Variants in PRKCZ observed in about 807,000 individuals in gnomAD.
The protein encoded by PRKCZ is protein kinase C zeta type.
In PRKCZ, 33 loss-of-function variants were observed where a neutral mutation model predicts 79.5. That is an observed-to-expected ratio of 0.41 (90% CI 0.31 to 0.55). PRKCZ has a LOEUF of 0.55. PRKCZ is among the 20% of genes least tolerant of loss of function. PRKCZ has a pLI of 0.19. For missense variants in PRKCZ, 578 were observed against 813.5 expected, an observed-to-expected ratio of 0.71 and a Z score of 3.52; for synonymous variants, 342 against 320.9, an observed-to-expected ratio of 1.07 and a Z score of -0.70.
intron 9 of PRKCZ, among the ~76,000 whole-genome samples, chr1:2,154,239 G>C (rs1216080715): frequency 2.0e-5 from 3 of 152,246 alleles, no homozygotes; most frequent in East Asian, 3.9e-4. Flanking sequence ...CTTGTGGCCT[G>C]GGGTGGCGTG....
chr1:2,102,886 T>C (rs1445157105), intron 4 of PRKCZ, among the ~76,000 whole-genome samples: 1 of 151,478 alleles, frequency 6.6e-6, no homozygotes, highest in Non-Finnish European at 1.5e-5. Flanking sequence ...CCCCCGTCTG[T>C]CTCTCTCTCA....
At position 2,161,996 on chromosome 1, in the gene PRKCZ, C is replaced by T. The variant is rs892634438; in HGVS notation, c.974+5904C>T. Among the ~76,000 whole-genome samples the T allele has an allele frequency of 4.6e-5, 7 of 152,094 alleles. No individual in the cohort carries two copies. The South Asian group carries it at 6.2e-4, about 14-fold the overall frequency. On this transcript the variant is annotated intron_variant, in intron 10 of 17. Transcript: ENST00000378567. ...TAACGTGCAGGAAAGAACCTTCGTC[C>T]GCACTCCAAAGACCCTTGACTAACC...
At chr1:2,118,617 G>A (rs540816457) in intron 4 of PRKCZ, among the ~76,000 whole-genome samples, 4 of 152,200 alleles carry the variant, frequency 2.6e-5, no homozygotes, top group South Asian at 4.1e-4. Context: ...GATTACAGGC[G>A]TGAGCCACTG....
chr1:2,163,337 A>C (rs1334251842), intron 10 of PRKCZ, among the ~76,000 whole-genome samples: 2 of 152,206 alleles, frequency 1.3e-5, no homozygotes, highest in Non-Finnish European at 2.9e-5. Flanking sequence ...GAGCCCACAG[A>C]GGAGCTGTCC....
chr1:2,070,537 T>C (rs893258989), intron 4 of PRKCZ, among the ~76,000 whole-genome samples: 1 of 152,182 alleles, frequency 6.6e-6, no homozygotes, highest in African/African-American at 2.4e-5. Flanking sequence ...GAGGTTTTCA[T>C]GGCCAGGGAT....
chr1:2,051,169 C>T (rs1659608317), intron 1 of PRKCZ, among the ~76,000 whole-genome samples: 1 of 152,006 alleles, frequency 6.6e-6, no homozygotes, highest in Non-Finnish European at 1.5e-5. Flanking sequence ...CAATGCAGCC[C>T]CCGGCAGGGC....
chr1:2,102,378 G>C (rs1442691254), intron 4 of PRKCZ, among the ~76,000 whole-genome samples: 1 of 151,846 alleles, frequency 6.6e-6, no homozygotes, highest in Non-Finnish European at 1.5e-5. Context: ...TGCTGCCCAG[G>C]CTGGAGTGCA....
chr1:2,166,497 C>G (rs896362726), intron 10 of PRKCZ, among the ~76,000 whole-genome samples: 1 of 152,210 alleles, frequency 6.6e-6, no homozygotes, highest in African/African-American at 2.4e-5. Flanking sequence ...CTCCTCTCCC[C>G]TTGCAAACAT....
At chr1:2,118,230 TAG>T (rs1671137439) in intron 4 of PRKCZ, among the ~76,000 whole-genome samples, 1 of 151,672 alleles carries the variant, frequency 6.6e-6, no homozygotes, top group Admixed American at 6.6e-5. Context: ...CCCCTGACCT[TAG>T]GTGATCCGCC....
At chr1:2,152,684 G>A (rs1015415915) in intron 9 of PRKCZ, among the ~76,000 whole-genome samples, 9 of 152,270 alleles carry the variant, frequency 5.9e-5, no homozygotes, top group East Asian at 5.8e-4. Flanking sequence ...TCTGCTCTGC[G>A]TCAGCCCCAT....
chr1:2,137,994 G>A (rs531113265), intron 5 of PRKCZ, among the ~76,000 whole-genome samples: 1 of 152,204 alleles, frequency 6.6e-6, no homozygotes, highest in African/African-American at 2.4e-5. Context: ...CAGCCTGTCC[G>A]ATTCCCGCCT....
intron 11 of PRKCZ, among the ~76,000 whole-genome samples, chr1:2,169,878 T>G (rs1684096019): frequency 6.6e-6 from 1 of 151,392 alleles, no homozygotes; most frequent in Non-Finnish European, 1.5e-5. Flanking sequence ...GAAGTCCAGG[T>G]AGGATGGCAG....
At chr1:2,092,108 G>A (rs1012582490) in intron 4 of PRKCZ, among the ~76,000 whole-genome samples, 2 of 152,186 alleles carry the variant, frequency 1.3e-5, no homozygotes, top group African/African-American at 4.8e-5. Context: ...CAGGCATCGC[G>A]CTTCTCCCCT....
At chr1:2,181,948 CCCTCCCTCCGGCT>C (rs1410634219) in intron 16 of PRKCZ, 9 of 438,214 alleles carry the variant, frequency 2.1e-5, no homozygotes, top group Middle Eastern at 6.6e-4. Context: ...CAGCCCCGGC[CCCTCCCTCCGGCT>C]CCTCCCCAGC....
intron 4 of PRKCZ, among the ~76,000 whole-genome samples, chr1:2,070,983 C>T (rs2102301589): frequency 6.6e-6 from 1 of 150,810 alleles, no homozygotes; most frequent in African/African-American, 2.4e-5. Context: ...GGGACACCAT[C>T]CCCACAGGGA....
chr1:2,067,339 T>A (rs1661207284), intron 4 of PRKCZ, among the ~76,000 whole-genome samples: 1 of 152,204 alleles, frequency 6.6e-6, no homozygotes, highest in Non-Finnish European at 1.5e-5. Context: ...GCTTTTTCAT[T>A]CCTTTTTATG....
intron 5 of PRKCZ, among the ~76,000 whole-genome samples, chr1:2,140,148 G>A (rs1677025449): frequency 6.6e-6 from 1 of 152,232 alleles, no homozygotes; most frequent in Admixed American, 6.5e-5. Flanking sequence ...CAGGTGGCTG[G>A]CAGAGGCCAA....
intron 4 of PRKCZ, among the ~76,000 whole-genome samples, chr1:2,071,884 A>G (rs1242017927): frequency 6.6e-6 from 1 of 152,230 alleles, no homozygotes; most frequent in Non-Finnish European, 1.5e-5. Flanking sequence ...GGTTCTGAGC[A>G]GGCGTGGGCA....
intron 4 of PRKCZ, among the ~76,000 whole-genome samples, chr1:2,112,666 T>G (rs1571478092): frequency 1.0e-5 from 1 of 95,592 alleles, no homozygotes; most frequent in Admixed American, 1.0e-4. Flanking sequence ...AGTTCCGTTT[T>G]TTTGTTTGTT....
Sources: gnomAD v4.1 joint callset for allele counts (sites outside exome capture counted in the v4.1 genomes callset) on GRCh38, gnomAD v4.1.1 for gene constraint, MANE v1.5 for transcripts, NCBI Gene and HGNC (gene_info 2026-07-23, HGNC 2026-07-21) for gene names.